The following PCDH11X variants were observed in gnomAD, a reference collection of about 807,000 sequenced individuals.
PCDH11X encodes protocadherin-11 X-linked.
Under a neutral mutation model 53.3 loss-of-function variants are expected in PCDH11X, and 18 were observed. The observed-to-expected ratio is 0.34, with a 90% CI of 0.23 to 0.50. The LOEUF (loss-of-function observed/expected upper bound fraction) is 0.50, where lower values mean the gene tolerates loss of function less well. Ranked by LOEUF, PCDH11X falls within the 20% of genes least tolerant of loss-of-function variation. The pLI is 0.98. For synonymous variants in PCDH11X, 279 were observed against 393.3 expected, an observed-to-expected ratio of 0.71 and a Z score of 3.44; for missense variants, 570 against 1,032.4, an observed-to-expected ratio of 0.55 and a Z score of 6.14.
intron 6 of PCDH11X, among the ~76,000 whole-genome samples, chrX:92,176,068 C>T (rs1324373916): frequency 2.7e-5 from 3 of 110,549 alleles, no homozygotes; most frequent in African/African-American, 9.9e-5. Context: ...CTTTTCACTA[C>T]CAACCACTGC....
At position 91,983,561 on chromosome X, in the gene PCDH11X, G is replaced by A. The variant is rs746125163; in HGVS notation, c.3033+104288G>A. ...GGAGGCGGCTATGGCCGGGGCTGCC[G>A]TGCGGAGGCAGAGAACTAAGTGGAG... On this transcript the variant is annotated intron_variant, in intron 6 of 10. Coordinates refer to ENST00000682573, the MANE Select transcript of PCDH11X (RefSeq NM_032968.5). 6.9e-4 allele frequency: 316 copies of A among 457,351 alleles called. 2 individuals carry two copies. Among genetic ancestry groups the A allele is most frequent in the African/African-American group, 4.3e-3 (182 of 41,958 alleles). The allele number at this position is 457,351 out of a possible 1,213,427, so 37.7% of individuals were successfully genotyped here. A position where few individuals can be genotyped will look rare whatever the true frequency, so the allele number is the denominator to read the frequency against.
At position 91,835,525 on chromosome X, in the gene PCDH11X, G is replaced by A. The variant is rs138686525; in HGVS notation, c.21G>A (p.Thr7=). The part of the protein sequence containing the change: MDLLSG[T]YIFAVLLACV... ...CTGGTATGGACTTGTTGTCCGGGAC[G>A]TACATTTTCGCGGTCCTGCTAGCAT... is the stretch of plus-strand genomic sequence containing the variant. Residue 7 remains threonine (T), a synonymous_variant, in exon 5 of 11, where the codon ACG becomes ACA. Coordinates refer to ENST00000682573, the MANE Select transcript of PCDH11X (RefSeq NM_032968.5). 73 of 1,208,976 alleles carry A rather than the reference G, an allele frequency of 6.0e-5. No individual in the cohort carries two copies. The African/African-American group carries it at 1.0e-3, about 17-fold the overall frequency.
intron 7 of PCDH11X, among the ~76,000 whole-genome samples, chrX:92,230,352 T>C (rs1286585980): frequency 4.0e-5 from 4 of 99,673 alleles, no homozygotes; most frequent in African/African-American, 1.5e-4. Context: ...CAGATTGTTT[T>C]CTCATTGTTT....
At chrX:91,823,503 C>T (rs1313394199) in intron 4 of PCDH11X, among the ~76,000 whole-genome samples, 2 of 110,834 alleles carry the variant, frequency 1.8e-5, no homozygotes, top group Admixed American at 9.7e-5. Flanking sequence ...CAATCCCTGC[C>T]TTTTTTTGTT....
At chrX:92,305,277 G>C (rs368070387) in intron 8 of PCDH11X, among the ~76,000 whole-genome samples, 1 of 109,572 alleles carries the variant, frequency 9.1e-6, no homozygotes, top group Non-Finnish European at 1.9e-5. Flanking sequence ...AGTTACCACA[G>C]ATGGGGTAAC....
chrX:92,079,169 G>A (rs754958938), intron 6 of PCDH11X, among the ~76,000 whole-genome samples: 20 of 111,748 alleles, frequency 1.8e-4, no homozygotes, highest in Admixed American at 1.7e-3. Flanking sequence ...CAGCAGGCCT[G>A]CATGGTGCAT....
chrX:92,147,910 CTCTT>C (rs1409357506), intron 6 of PCDH11X, among the ~76,000 whole-genome samples: 5 of 91,996 alleles, frequency 5.4e-5, no homozygotes, highest in East Asian at 3.6e-4. Flanking sequence ...TTCTTTCTCT[CTCTT>C]TCTCCTTTCT....
intron 7 of PCDH11X, among the ~76,000 whole-genome samples, chrX:92,253,850 T>C (rs1225415254): frequency 8.9e-6 from 1 of 112,016 alleles, no homozygotes; most frequent in Non-Finnish European, 1.9e-5. Context: ...GGAGTCTAGG[T>C]TTTCCATATA....
In PCDH11X at chrX:91,836,473, A is replaced by G. The variant is rs1937304344; in HGVS notation, c.540+429A>G. ...CACAAATTTTATCTTGCCATTTGATATGGTGCCAAATAAATCTATTTGAGA... is the reference window on the plus strand; with the variant it reads ...CACAAATTTTATCTTGCCATTTGATGTGGTGCCAAATAAATCTATTTGAGA... On this transcript the variant is annotated intron_variant, in intron 5 of 10. Coordinates refer to ENST00000682573, the MANE Select transcript of PCDH11X (RefSeq NM_032968.5). Among the ~76,000 whole-genome samples the G allele has an allele frequency of 5.6e-5, 6 of 107,562 alleles. No individual in the cohort carries two copies. The South Asian group carries it at 2.5e-3, about 44-fold the overall frequency. The allele number at this position is 107,562 out of a possible 115,157, so 93.4% of individuals were successfully genotyped here. A position where few individuals can be genotyped will look rare whatever the true frequency, so the allele number is the denominator to read the frequency against.
At chrX:91,844,898 T>C (rs1035145811) in intron 5 of PCDH11X, among the ~76,000 whole-genome samples, 13 of 109,411 alleles carry the variant, frequency 1.2e-4, no homozygotes, top group African/African-American at 3.7e-4. Flanking sequence ...GTAATGCAAA[T>C]AACAAAGTAA....
Position 92,528,687 on chromosome X carries a change from T to C in PCDH11X, c.3367+60365T>C, listed in dbSNP as rs61463991. 7.2e-3 allele frequency among the ~76,000 whole-genome samples: 800 copies of C among 111,884 alleles called. 10 individuals carry two copies. Among genetic ancestry groups the C allele is most frequent in the African/African-American group, 0.024 (752 of 30,843 alleles). ...CTGACAGTGTTATTATATTTCTCTA[T>C]ATTTTAATAAGAATTCAAATTATTA... On this transcript the variant is annotated intron_variant, in intron 10 of 10. Transcript: ENST00000682573.
intron 6 of PCDH11X, among the ~76,000 whole-genome samples, chrX:92,003,685 G>A (rs1369386122): frequency 1.0e-5 from 1 of 99,338 alleles, no homozygotes; most frequent in Non-Finnish European, 2.0e-5. Context: ...GCTTAGAGTT[G>A]CTCATAGTAG....
chrX:91,886,977 A>G (rs1223624476), intron 6 of PCDH11X, among the ~76,000 whole-genome samples: 1 of 98,033 alleles, frequency 1.0e-5, no homozygotes, highest in East Asian at 3.3e-4. Flanking sequence ...TCTCAAAAAA[A>G]AAAAAAAAAG....
intron 4 of PCDH11X, among the ~76,000 whole-genome samples, chrX:91,827,236 T>C (rs1936953731): frequency 8.9e-6 from 1 of 112,125 alleles, no homozygotes; most frequent in African/African-American, 3.2e-5. Flanking sequence ...TTTTTTCATA[T>C]GCTTGCTGGC....
At chrX:92,413,746 A>G (rs867745761) in intron 9 of PCDH11X, among the ~76,000 whole-genome samples, 23 of 109,530 alleles carry the variant, frequency 2.1e-4, no homozygotes, top group African/African-American at 7.0e-4. Flanking sequence ...AGAATAAGAC[A>G]TGGATTTGTG....
chrX:92,300,690 G>A (rs756179167), intron 8 of PCDH11X, among the ~76,000 whole-genome samples: 4 of 111,503 alleles, frequency 3.6e-5, no homozygotes, highest in African/African-American at 1.3e-4. Context: ...TGTTGGCCAG[G>A]CCGGTCTCTA....
chrX:92,540,809 C>T (rs2750961), intron 10 of PCDH11X, among the ~76,000 whole-genome samples: 13 of 107,379 alleles, frequency 1.2e-4, no homozygotes, highest in Middle Eastern at 4.3e-3. Flanking sequence ...TTCAAGGCCA[C>T]GGGTCTGCCT....
intron 6 of PCDH11X, among the ~76,000 whole-genome samples, chrX:92,152,787 GTATGTATGTATT>G (rs1381365276): frequency 1.3e-4 from 13 of 98,099 alleles, no homozygotes; most frequent in African/African-American, 5.7e-4. Context: ...ATGTATGTAT[GTATGTATGTATT>G]TATTTATTTA....
chrX:92,079,185 A>G (rs2063818095), intron 6 of PCDH11X, among the ~76,000 whole-genome samples: 1 of 111,875 alleles, frequency 8.9e-6, no homozygotes, highest in African/African-American at 3.2e-5. Context: ...TGCATTGTAC[A>G]CAGTGGGTGC....
Sources: gnomAD v4.1 joint callset for allele counts (sites outside exome capture counted in the v4.1 genomes callset) on GRCh38, gnomAD v4.1.1 for gene constraint, MANE v1.5 for transcripts, NCBI Gene and HGNC (gene_info 2026-07-23, HGNC 2026-07-21) for gene names.